TPRG1: variants seen among roughly 807,000 people sequenced by gnomAD.
The protein encoded by TPRG1 is tumor protein p63 regulated 1.
In TPRG1, 29 loss-of-function variants were observed where a neutral mutation model predicts 29.3. The ratio of observed to expected loss-of-function variants is 0.99; its 90% CI spans 0.74 to 1.35. The LOEUF (loss-of-function observed/expected upper bound fraction) is 1.35. Ranked by LOEUF, TPRG1 falls within the 40% of genes most tolerant of loss-of-function variation. TPRG1 has a pLI of 0.00. For missense variants in TPRG1, 327 were observed against 335.0 expected, an observed-to-expected ratio of 0.98 and a Z score of 0.19; for synonymous variants, 130 against 116.8, an observed-to-expected ratio of 1.11 and a Z score of -0.73.
chr3:189,210,505 TGAAA>T (rs57991699), intron 2 of TPRG1, among the ~76,000 whole-genome samples: 17,542 of 152,082 alleles, frequency 0.12, 2,991 homozygotes, highest in African/African-American at 0.37. Flanking sequence ...TTGAAATCTA[TGAAA>T]GAGTCATGAT....
chr3:189,161,735 T>C (rs911049110), intron 5 of TPRG1, among the ~76,000 whole-genome samples: 1 of 152,208 alleles, frequency 6.6e-6, no homozygotes, highest in Non-Finnish European at 1.5e-5. Context: ...GCTCTTGCTG[T>C]CAAAGAGCTC....
chr3:189,082,669 T>C (rs139737284), intron 4 of TPRG1, among the ~76,000 whole-genome samples: 105 of 152,290 alleles, frequency 6.9e-4, no homozygotes, highest in African/African-American at 2.5e-3. Context: ...TGACTGATTC[T>C]GTTTCAAACT....
intron 1 of TPRG1, among the ~76,000 whole-genome samples, chr3:189,116,907 G>A (rs572009102): frequency 9.7e-4 from 147 of 152,256 alleles, no homozygotes; most frequent in African/African-American, 3.5e-3. Context: ...ACACCTAAAA[G>A]TGGTAAAGAT....
chr3:189,207,566 A>G lies in TPRG1; in HGVS notation c.182A>G (p.Tyr61Cys), dbSNP rs573706690. 5.0e-6 allele frequency: 8 copies of G among 1,614,062 alleles called. No individual in the cohort carries two copies. Among genetic ancestry groups the G allele is most frequent in the African/African-American group, 1.3e-5 (1 of 75,042 alleles). ...TLYPNPYHQP[Y>C]ISRKYFATRP... ...TACCCCAATCCTTATCATCAGCCTT[A>G]TATCTCACGGAAGTACTTTGCTACA... The change falls in exon 2 of 6, where the codon TAT becomes TGT. Residue 61 changes from tyrosine (Y) to cysteine (C), a missense_variant. Tyr to Cys is a radical substitution (Grantham distance 194). Transcript: ENST00000345063.
At chr3:189,189,287 T>TA (rs908020079) in intron 1 of TPRG1, among the ~76,000 whole-genome samples, 30 of 151,958 alleles carry the variant, frequency 2.0e-4, no homozygotes, top group African/African-American at 1.2e-4. Flanking sequence ...TAGCTTGATT[T>TA]AAAAAAAATG....
intron 4 of TPRG1, among the ~76,000 whole-genome samples, chr3:189,060,201 C>T (rs949309996): frequency 7.2e-5 from 11 of 152,154 alleles, no homozygotes; most frequent in African/African-American, 2.7e-4. Context: ...CATTGCACTC[C>T]AGCCTGGGCA....
intron 4 of TPRG1, among the ~76,000 whole-genome samples, chr3:189,279,939 A>G (rs1384583727): frequency 1.3e-5 from 2 of 152,186 alleles, no homozygotes; most frequent in Non-Finnish European, 2.9e-5. Flanking sequence ...GATAGGCAGA[A>G]GAGTTAGAGG....
intron 3 of TPRG1, among the ~76,000 whole-genome samples, chr3:189,236,358 G>A (rs1467969227): frequency 6.6e-6 from 1 of 152,070 alleles, no homozygotes; most frequent in East Asian, 1.9e-4. Flanking sequence ...GGTTTATTAG[G>A]CAGCAGCTTA....
chr3:189,191,400 T>C (rs1731672391), intron 1 of TPRG1, among the ~76,000 whole-genome samples: 1 of 152,220 alleles, frequency 6.6e-6, no homozygotes, highest in Admixed American at 6.5e-5. Context: ...CTGACCTTTA[T>C]TACTTTAATG....
chr3:189,159,574 T>G (rs1469430791), intron 5 of TPRG1, among the ~76,000 whole-genome samples: 1 of 152,138 alleles, frequency 6.6e-6, no homozygotes, highest in Non-Finnish European at 1.5e-5. Context: ...GCAGCAATAT[T>G]TGCTCGTGCT....
At chr3:189,010,519 T>C (rs538420658) in intron 3 of TPRG1, among the ~76,000 whole-genome samples, 85 of 152,348 alleles carry the variant, frequency 5.6e-4, no homozygotes, top group African/African-American at 1.5e-3. Context: ...TGATTTGCAT[T>C]TCGCTAATAA....
intron 1 of TPRG1, among the ~76,000 whole-genome samples, chr3:189,182,972 CTG>C (rs963624827): frequency 1.4e-4 from 21 of 152,150 alleles, no homozygotes; most frequent in African/African-American, 4.3e-4. Flanking sequence ...GATCTATTCT[CTG>C]AGCAATTTTC....
chr3:189,036,009 T>C (rs1303963522), intron 4 of TPRG1, among the ~76,000 whole-genome samples: 2 of 151,934 alleles, frequency 1.3e-5, no homozygotes, highest in Non-Finnish European at 2.9e-5. Context: ...AGGAAAGACA[T>C]GGAATCAATC....
chr3:189,098,117 AC>A (rs1718806536), upstream of TPRG1, among the ~76,000 whole-genome samples: 1 of 152,212 alleles, frequency 6.6e-6, no homozygotes, highest in African/African-American at 2.4e-5. Context: ...CAGAGCTAAG[AC>A]TGACCAATTG....
At chr3:189,258,525 A>G (rs971412964) in intron 4 of TPRG1, among the ~76,000 whole-genome samples, 1 of 152,148 alleles carries the variant, frequency 6.6e-6, no homozygotes, top group African/African-American at 2.4e-5. Context: ...GCAGAGCTCA[A>G]GCACTGTGCT....
At chr3:189,261,688 A>T (rs905459243) in intron 4 of TPRG1, among the ~76,000 whole-genome samples, 1 of 152,190 alleles carries the variant, frequency 6.6e-6, no homozygotes, top group African/African-American at 2.4e-5. Context: ...TTAGGGCTCC[A>T]GCAGAAAACC....
intron 3 of TPRG1, among the ~76,000 whole-genome samples, chr3:189,146,597 C>A (rs373414218): frequency 6.6e-6 from 1 of 152,278 alleles, no homozygotes; most frequent in East Asian, 1.9e-4. Context: ...GAGCACTGAT[C>A]CCCCATATTA....
At chr3:189,032,644 T>C (rs1227376628) in intron 4 of TPRG1, among the ~76,000 whole-genome samples, 2 of 151,636 alleles carry the variant, frequency 1.3e-5, no homozygotes, top group South Asian at 2.1e-4. Flanking sequence ...ATGTGCACAA[T>C]GTGCAGGTTA....
At chr3:189,168,545 T>C (rs1728426744), upstream of TPRG1, among the ~76,000 whole-genome samples, 1 of 152,186 alleles carries the variant, frequency 6.6e-6, no homozygotes, top group Non-Finnish European at 1.5e-5. Flanking sequence ...AAGAATGTCT[T>C]GTTTAAGACA....
Sources: allele counts gnomAD v4.1 joint callset (sites outside exome capture counted in the v4.1 genomes callset), GRCh38; gene constraint gnomAD v4.1.1; transcripts MANE v1.5; gene names NCBI Gene and HGNC (gene_info 2026-07-23, HGNC 2026-07-21).